PCDHA3: variants seen among roughly 807,000 people sequenced by gnomAD.
PCDHA3 encodes protocadherin alpha-3.
Under a neutral mutation model 62.2 loss-of-function variants are expected in PCDHA3, and 41 were observed. That is an observed-to-expected ratio of 0.66 (90% CI 0.51 to 0.86). PCDHA3 has a LOEUF of 0.86. PCDHA3 is among the 40% of genes least tolerant of loss of function. The probability of loss-of-function intolerance (pLI) is 0.00; values close to 1 mark genes in which losing one functional copy is unlikely to be tolerated. For synonymous variants in PCDHA3, 640 were observed against 555.4 expected (o/e 1.15, Z -2.14); for missense variants, 1,304 against 1,241.2 (o/e 1.05, Z -0.76).
At chr5:140,890,718 T>A (rs2062769103) in intron 1 of PCDHA3, among the ~76,000 whole-genome samples, 1 of 152,212 alleles carries the variant, frequency 6.6e-6, no homozygotes, top group Non-Finnish European at 1.5e-5. Context: ...AAAATCTTTT[T>A]AATCCCTTTT....
chr5:140,821,597 A>G, intron 1 of PCDHA3: 1 of 699,876 alleles, frequency 1.4e-6, no homozygotes. Context: ...CCCAGCCTCA[A>G]AGGAATACAG....
intron 1 of PCDHA3, chr5:140,807,290 G>A: frequency 6.2e-7 from 1 of 1,614,210 alleles, no homozygotes; most frequent in Non-Finnish European, 8.5e-7. Flanking sequence ...CCACTACTCG[G>A]TCTCCGAGGA....
intron 1 of PCDHA3, among the ~76,000 whole-genome samples, chr5:140,874,443 C>G (rs1554167205): frequency 6.6e-6 from 1 of 152,208 alleles, no homozygotes; most frequent in Non-Finnish European, 1.5e-5. Context: ...GTCCTAACTA[C>G]TAAATGACCT....
chr5:140,806,072 A>T (rs1333046809), intron 1 of PCDHA3, among the ~76,000 whole-genome samples: 1 of 152,232 alleles, frequency 6.6e-6, no homozygotes, highest in South Asian at 2.1e-4. Context: ...CTGGTGCTGC[A>T]GTTTGTAAAA....
At position 140,869,037 on chromosome 5, in the gene PCDHA3, C is replaced by T. The variant is rs547872988; in HGVS notation, c.2394+65446C>T. 8.6e-5 allele frequency: 132 copies of T among 1,528,404 alleles called. No individual in the cohort carries two copies. In the East Asian group the frequency reaches 2.7e-3, roughly 31 times the overall value. The allele number at this position is 1,528,404 out of a possible 1,614,324, so 94.7% of individuals were successfully genotyped here. ...CTTAAGAATTCAACGAGATTTTTAA[C>T]CTGAAACTGAAGAATCTGGTACTGT... On this transcript the variant is annotated intron_variant, in intron 1 of 3. Coordinates refer to ENST00000522353, the MANE Select transcript of PCDHA3 (RefSeq NM_018906.3).
chr5:140,991,981 T>C (rs2097483028), intron 3 of PCDHA3, among the ~76,000 whole-genome samples: 1 of 152,008 alleles, frequency 6.6e-6, no homozygotes, highest in South Asian at 2.1e-4. Flanking sequence ...TTATTCTGCC[T>C]ACCACCCGGT....
intron 1 of PCDHA3, chr5:140,843,188 C>T (rs2150354903): frequency 6.3e-7 from 1 of 1,596,014 alleles, no homozygotes; most frequent in Non-Finnish European, 8.6e-7. Flanking sequence ...CATCCCGTTC[C>T]GCGTGGGGCT....
At chr5:140,937,821 A>G (rs1270019197) in intron 1 of PCDHA3, among the ~76,000 whole-genome samples, 2 of 151,608 alleles carry the variant, frequency 1.3e-5, no homozygotes, top group Non-Finnish European at 2.9e-5. Flanking sequence ...CTGAGGCAGG[A>G]GAATGGCATG....
intron 3 of PCDHA3, among the ~76,000 whole-genome samples, chr5:141,008,809 C>A (rs1397377778): frequency 6.6e-6 from 1 of 152,160 alleles, no homozygotes; most frequent in African/African-American, 2.4e-5. Flanking sequence ...CAAATAGGCT[C>A]AATTTACAAC....
intron 1 of PCDHA3, chr5:140,843,145 G>A (rs2150353812): frequency 1.3e-6 from 2 of 1,596,072 alleles, no homozygotes; most frequent in South Asian, 1.1e-5. Flanking sequence ...CGTGGCTTTC[G>A]TATGAGCTGC....
At chr5:140,930,143 T>C (rs1375967730) in intron 1 of PCDHA3, 4 of 152,204 alleles carry the variant, frequency 2.6e-5, no homozygotes, top group Non-Finnish European at 5.9e-5. Context: ...ACCTTTTGTT[T>C]TGTGTTTCTA....
At chr5:140,868,925 T>C (rs558364822) in intron 1 of PCDHA3, 1 of 1,048,896 alleles carries the variant, frequency 9.5e-7, no homozygotes. Flanking sequence ...GAAAGTTCAT[T>C]TAAAGGTTGG....
rs144811750 is a variant in PCDHA3, at chr5:140,803,177, C to T, written c.1980C>T (p.Thr660=). Residue 660 remains threonine (T), a synonymous_variant, in exon 1 of 4, where the codon ACC becomes ACT. Coordinates refer to ENST00000522353, the MANE Select transcript of PCDHA3 (RefSeq NM_018906.3). ...LVKDHGEPSL[T]ATATVLVSLV... is the part of the protein sequence containing the mutation. ...AGGACCACGGTGAACCCTCATTGAC[C>T]GCCACGGCCACTGTGCTGGTGTCGC... 1.9e-6 allele frequency: 3 copies of T among 1,613,890 alleles called. No individual in the cohort carries two copies. Among genetic ancestry groups the T allele is most frequent in the South Asian group, 2.2e-5 (2 of 91,080 alleles).
chr5:140,997,814 T>C (rs2097786801), intron 3 of PCDHA3, among the ~76,000 whole-genome samples: 1 of 152,212 alleles, frequency 6.6e-6, no homozygotes, highest in Admixed American at 6.5e-5. Context: ...GCTGTTGGTA[T>C]CTATGTTTTC....
chr5:140,988,332 A>G (rs2097293198), intron 3 of PCDHA3, among the ~76,000 whole-genome samples: 1 of 152,230 alleles, frequency 6.6e-6, no homozygotes, highest in Non-Finnish European at 1.5e-5. Context: ...ACCCGAGGAA[A>G]GTAAGTCCTT....
intron 1 of PCDHA3, chr5:140,808,597 G>A (rs1355815972): frequency 1.4e-5 from 22 of 1,613,830 alleles, no homozygotes; most frequent in Non-Finnish European, 1.6e-5. Context: ...ACAACCCGCC[G>A]GGCTGCCACA....
chr5:140,884,467 G>A (rs199814121), intron 1 of PCDHA3: 6 of 1,613,778 alleles, frequency 3.7e-6, no homozygotes, highest in Non-Finnish European at 5.1e-6. Context: ...GCGCGTGCGC[G>A]CCGGGCAAGC....
intron 1 of PCDHA3, chr5:140,871,356 G>A (rs368141967): frequency 1.0e-4 from 163 of 1,614,090 alleles, no homozygotes; most frequent in Non-Finnish European, 1.3e-4. Context: ...CATACTCGCA[G>A]CAGAGGCGGC....
At chr5:140,807,055 A>T in intron 1 of PCDHA3, 3 of 1,064,666 alleles carry the variant, frequency 2.8e-6, no homozygotes, top group Non-Finnish European at 4.1e-6. Flanking sequence ...TTCTATTCTT[A>T]CTGGAAGGAA....
Sources: allele counts gnomAD v4.1 joint callset (sites outside exome capture counted in the v4.1 genomes callset), GRCh38; gene constraint gnomAD v4.1.1; transcripts MANE v1.5; gene names NCBI Gene and HGNC (gene_info 2026-07-23, HGNC 2026-07-21).